The following LENG8 variants were observed in gnomAD, a reference collection of about 807,000 sequenced individuals.
LENG8 encodes leukocyte receptor cluster member 8.
Under a neutral mutation model 102.1 loss-of-function variants are expected in LENG8, and 28 were observed. The ratio of observed to expected loss-of-function variants is 0.27; its 90% CI spans 0.20 to 0.38. The LOEUF (loss-of-function observed/expected upper bound fraction) is 0.38. LENG8 is among the 10% of genes least tolerant of loss of function. LENG8 has a pLI of 1.00. For synonymous variants in LENG8, 531 were observed against 456.7 expected, an observed-to-expected ratio of 1.16 and a Z score of -2.07; for missense variants, 1,022 against 1,113.9, an observed-to-expected ratio of 0.92 and a Z score of 1.17.
chr19:54,453,397 T>A (rs954426174), intron 4 of LENG8, 149 bp from the exon 5 acceptor site: 1 of 616,918 alleles, frequency 1.6e-6, no homozygotes, highest in African/African-American at 1.8e-5. Flanking sequence ...CTTTTCCTAA[T>A]ATATGAGAGG....
intron 4 of LENG8, among the ~76,000 whole-genome samples, 164 bp downstream of exon 4, chr19:54,452,916 G>C (rs994681961): frequency 6.6e-6 from 1 of 152,168 alleles, no homozygotes; most frequent in Non-Finnish European, 1.5e-5. Flanking sequence ...TAAATTCCTA[G>C]GTCCCCGCCA....
At chr19:54,460,345 T>A (rs957365271) in intron 15 of LENG8, 8 of 1,204,522 alleles carry the variant, frequency 6.6e-6, no homozygotes, top group Non-Finnish European at 8.4e-6. Context: ...CTGGCACCCC[T>A]GCGCCTGGCT....
chr19:54,459,143 G>C, intron 15 of LENG8: 1 of 1,286,514 alleles, frequency 7.8e-7, no homozygotes, highest in South Asian at 2.6e-5. Flanking sequence ...GTTCTGTCTG[G>C]TGATTGAGGT....
At position 54,455,427 on chromosome 19, in the gene LENG8, G is replaced by C; in HGVS notation, c.885G>C (p.Glu295Asp). The change falls in exon 8 of 16, where the codon GAG (glutamate) becomes GAC (aspartate). Residue 295 changes from glutamate to aspartate, a missense_variant. By Grantham distance (45) the Glu-to-Asp change is conservative. Coordinates refer to ENST00000326764, the MANE Select transcript of LENG8 (RefSeq NM_052925.4). ...KPDDWPQDMK[E>D]YVERCFTACE... ...ATGACTGGCCCCAGGACATGAAAGA[G>C]TATGTGGAGCGCTGCTTCACCGCCT... 2 of 1,614,200 alleles carry C rather than the reference G, an allele frequency of 1.2e-6. No individual in the cohort carries two copies. The highest frequency in any genetic ancestry group is 1.7e-6 in the Non-Finnish European group (2 of 1,180,046).
intron 8 of LENG8, 78 bp downstream of exon 8, chr19:54,455,645 C>T (rs879391375): frequency 3.8e-5 from 49 of 1,302,782 alleles, no homozygotes; most frequent in East Asian, 3.5e-4. Flanking sequence ...AGGAGAGTTG[C>T]GGGTCCCAGG....
chr19:54,455,302 T>C, intron 7 of LENG8, 62 bp from the exon 8 acceptor site: 2 of 1,569,758 alleles, frequency 1.3e-6, no homozygotes, highest in Non-Finnish European at 1.8e-6. Context: ...AGAGTGGCGG[T>C]GGGGATGGTC....
At chr19:54,459,857 T>C in intron 15 of LENG8, 1 of 1,159,890 alleles carries the variant, frequency 8.6e-7, no homozygotes, top group South Asian at 1.7e-5. Context: ...GGCAGGAGGC[T>C]GCTTAGTCTG....
In LENG8 at chr19:54,461,042, C is replaced by T; in HGVS notation, c.*114C>T. On this transcript the variant is annotated 3_prime_UTR_variant, in exon 16 of 16. Transcript: ENST00000326764. ...AAATTTATTTGTGGGGAGTGCGCTC[C>T]AGGAAGAGCCACCATCCCTGCCCCC... 6.3e-6 allele frequency: 9 copies of T among 1,433,718 alleles called. No homozygotes were observed. Among genetic ancestry groups the T allele is most frequent in the African/African-American group, 1.4e-5 (1 of 70,956 alleles). The allele number at this position is 1,433,718 out of a possible 1,614,324, so 88.8% of individuals were successfully genotyped here.
In LENG8 at chr19:54,456,147, C is replaced by T. The variant is rs1347300464; in HGVS notation, c.1206C>T (p.Gly402=). Residue 402 remains glycine, a synonymous_variant, in exon 9 of 16, where the codon GGC becomes GGT. Coordinates refer to ENST00000326764, the MANE Select transcript of LENG8 (RefSeq NM_052925.4). ...RARGNSFTKF[G]NRNVFMKDNS... is the part of the protein sequence containing the mutation. The stretch of plus-strand genomic sequence containing the variant: ...GGGGCAACAGCTTCACCAAGTTTGG[C>T]AACCGCAACGTCTTCATGAAGGACA... 6.2e-7 allele frequency: 1 copy of T among 1,610,670 alleles called. No individual in the cohort carries two copies. Among genetic ancestry groups the T allele is most frequent in the Non-Finnish European group, 8.5e-7 (1 of 1,177,738 alleles).
chr19:54,450,401 C>T (rs34094304), intron 1 of LENG8, among the ~76,000 whole-genome samples: 1 of 152,186 alleles, frequency 6.6e-6, no homozygotes, highest in Non-Finnish European at 1.5e-5. Context: ...CCACTTGCTT[C>T]CAGGGTTAAC....
Position 54,454,471 on chromosome 19 carries a change from T to TCCCCCTCAGCAGCTGCCGTCGGCTCAG in LENG8, c.479_505dup (p.Gln160_Gln168dup). 1 of 1,613,034 alleles carries TCCCCCTCAGCAGCTGCCGTCGGCTCAG rather than the reference T, an allele frequency of 6.2e-7. No homozygotes were observed. Among genetic ancestry groups the TCCCCCTCAGCAGCTGCCGTCGGCTCAG allele is most frequent in the Non-Finnish European group, 8.5e-7 (1 of 1,179,582 alleles). On this transcript the variant is annotated inframe_insertion, in exon 6 of 16. Coordinates refer to ENST00000326764, the MANE Select transcript of LENG8 (RefSeq NM_052925.4). ...TGGATGAGAGCATGTCCTACCAGGCTCCCCCTCAGCAGCTGCCGTCGGCTC... is the reference window on the plus strand; with the variant it reads ...TGGATGAGAGCATGTCCTACCAGGCTCCCCCTCAGCAGCTGCCGTCGGCTCAGCCCCCTCAGCAGCTGCCGTCGGCTC...
chr19:54,456,841 G>A lies in LENG8; in HGVS notation c.1651G>A (p.Val551Met), dbSNP rs1211082058. Residue 551 changes from valine to methionine, a missense_variant, in exon 11 of 16, where the codon GTG (valine) becomes ATG (methionine). Val to Met is a conservative substitution (Grantham distance 21). Around this residue, in one of 7 missense-constraint regions of LENG8, gnomAD observed 158 missense variants for 229.0 expected, o/e 0.69. Transcript: ENST00000326764. ...ADPDWQELQI[V>M]GTCPDITKHY... ...CCCTGACTGGCAGGAGCTGCAGATCGTGGGCACCTGCCCTGACATCACCAA... is the reference window on the plus strand; with the variant it reads ...CCCTGACTGGCAGGAGCTGCAGATCATGGGCACCTGCCCTGACATCACCAA... 2 of 1,610,884 alleles carry A rather than the reference G, an allele frequency of 1.2e-6. No homozygotes were observed. Among genetic ancestry groups the A allele is most frequent in the South Asian group, 1.1e-5 (1 of 90,974 alleles).
intron 15 of LENG8, chr19:54,460,530 TG>T: frequency 7.1e-7 from 1 of 1,398,938 alleles, no homozygotes; most frequent in Non-Finnish European, 9.3e-7. Flanking sequence ...CGCTCCTCCC[TG>T]GCCCCCGCAC....
At position 54,456,092 on chromosome 19, in the gene LENG8, C is replaced by T. The variant is rs371661288; in HGVS notation, c.1151C>T (p.Thr384Met). 2.2e-5 allele frequency: 36 copies of T among 1,608,428 alleles called. No individual in the cohort carries two copies. The East Asian group carries it at 6.7e-4, about 30-fold the overall frequency. Residue 384 changes from threonine (T) to methionine (M), a missense_variant, in exon 9 of 16, where the codon ACG becomes ATG. This residue lies in a region of LENG8 where 326 missense variants were observed against 324.5 expected (regional missense o/e 1.00). Transcript: ENST00000326764. ...RGGGAPSQRG[T>M]PGAGGAGRAR... ...GGGGGTGCCCCGTCCCAGCGAGGGA[C>T]GCCCGGGGCTGGGGGTGCCGGTCGA...
intron 1 of LENG8, among the ~76,000 whole-genome samples, chr19:54,450,165 A>G (rs1371168929): frequency 6.6e-6 from 1 of 152,008 alleles, no homozygotes. Flanking sequence ...GGCATTCCCA[A>G]AGCTTTATGT....
At chr19:54,460,471 TG>T (rs1252951537) in intron 15 of LENG8, 2 of 1,320,404 alleles carry the variant, frequency 1.5e-6, no homozygotes, top group Middle Eastern at 2.9e-4. Context: ...ATCTGGTCCC[TG>T]CCCCTCAGCC....
At chr19:54,460,565 A>C in intron 15 of LENG8, 1 of 1,410,744 alleles carries the variant, frequency 7.1e-7, no homozygotes, top group African/African-American at 1.5e-5. Context: ...TGAGGGGGGC[A>C]CAGGGGACTG....
rs1599998917 is a variant in LENG8 at position 54,458,015 on chromosome 19, C to T, written c.1902+13C>T. 6.2e-7 allele frequency: 1 copy of T among 1,613,326 alleles called. No individual in the cohort carries two copies. Among genetic ancestry groups the T allele is most frequent in the East Asian group, 2.2e-5 (1 of 44,876 alleles). The stretch of plus-strand genomic sequence containing the variant: ...CGCCTTGGAGAAGGTGAGCTGGCCT[C>T]TGCGGGCCTCCCCAGCCCCTTTCCT... On this transcript the variant is annotated intron_variant, in intron 13 of 15. Coordinates refer to ENST00000326764, the MANE Select transcript of LENG8 (RefSeq NM_052925.4).
rs754485161 is a variant in LENG8, at chr19:54,456,654, C to G, written c.1464C>G (p.Thr488=). 9.3e-6 allele frequency: 15 copies of G among 1,612,096 alleles called. No individual in the cohort carries two copies. The highest frequency in any genetic ancestry group is 1.0e-5 in the Non-Finnish European group (12 of 1,179,140). Residue 488 remains threonine (T), a synonymous_variant, in exon 11 of 16, where the codon ACC becomes ACG. Coordinates refer to ENST00000326764, the MANE Select transcript of LENG8 (RefSeq NM_052925.4). ...TTCCTAGGCACGATCTGGCGCCCAC[C>G]AAGCGCAGTCGAAAGAAGATGGCGG... ...QRGKRHDLAP[T]KRSRKKMAAL... is the part of the protein sequence containing the mutation.
Sources: gnomAD v4.1 joint callset for allele counts (sites outside exome capture counted in the v4.1 genomes callset) on GRCh38, gnomAD v4.1.1 for gene constraint, gnomAD v4.1.1 regional missense constraint, MANE v1.5 for transcripts, NCBI Gene and HGNC (gene_info 2026-07-23, HGNC 2026-07-21) for gene names.